The following SLC20A2 variants were observed in gnomAD, a reference collection of about 807,000 sequenced individuals.
SLC20A2 encodes the protein solute carrier family 20 member 2.
SLC20A2 carries 30 observed loss-of-function variants against 61.0 expected under a neutral mutation model. That is an observed-to-expected ratio of 0.49 (90% CI 0.37 to 0.67). The LOEUF is 0.67. Among genes scored for constraint, SLC20A2 ranks in the 30% least tolerant of loss-of-function variants. The pLI is 0.00. For synonymous variants in SLC20A2, 351 were observed against 353.3 expected (o/e 0.99, Z 0.07); for missense variants, 626 against 866.4 (o/e 0.72, Z 3.48).
rs142385350 is a variant in SLC20A2 at position 42,486,361 on chromosome 8, C to T, written c.-264-13707G>A. ...GGAACTACAGGTGTGCGACACTGTGCCTGGCAAGTTTTTTTGGTAGAGATG... is the reference window on the plus strand; with the variant it reads ...GGAACTACAGGTGTGCGACACTGTGTCTGGCAAGTTTTTTTGGTAGAGATG... On this transcript the variant is annotated intron_variant, in intron 1 of 10. Transcript: ENST00000520262. Among the ~76,000 whole-genome samples the T allele has an allele frequency of 1.2e-3, 182 of 152,244 alleles. 1 individual carries two copies. The highest frequency in any genetic ancestry group is 4.1e-3 in the African/African-American group (171 of 41,548).
At chr8:42,491,356 T>C (rs1809496074) in intron 1 of SLC20A2, among the ~76,000 whole-genome samples, 1 of 151,734 alleles carries the variant, frequency 6.6e-6, no homozygotes, top group South Asian at 2.1e-4. Flanking sequence ...CTAAAAAAAA[T>C]TTGCCAGGCA....
intron 9 of SLC20A2, 101 bp from the exon 10 acceptor site, chr8:42,428,943 T>A: frequency 1.1e-6 from 1 of 872,200 alleles, no homozygotes. Flanking sequence ...CTGGGGTGAC[T>A]GCCGACTGCT....
chr8:42,527,388 A>G (rs926143135), intron 1 of SLC20A2, among the ~76,000 whole-genome samples: 1 of 151,948 alleles, frequency 6.6e-6, no homozygotes, highest in Non-Finnish European at 1.5e-5. Context: ...AAGGAAAAAA[A>G]AAAAAGAAAC....
intron 1 of SLC20A2, among the ~76,000 whole-genome samples, chr8:42,490,208 T>A (rs1268616197): frequency 1.3e-5 from 2 of 152,176 alleles, no homozygotes; most frequent in Non-Finnish European, 2.9e-5. Flanking sequence ...AAAAAAATTA[T>A]CATTATAATA....
chr8:42,482,363 T>C (rs1320609910), intron 1 of SLC20A2, among the ~76,000 whole-genome samples: 1 of 152,212 alleles, frequency 6.6e-6, no homozygotes, highest in African/African-American at 2.4e-5. Flanking sequence ...GAAACAGTCT[T>C]TCATGTAAGA....
At chr8:42,435,909 G>A (rs1804213491) in intron 8 of SLC20A2, among the ~76,000 whole-genome samples, 1 of 152,078 alleles carries the variant, frequency 6.6e-6, no homozygotes, top group Admixed American at 6.5e-5. Context: ...CTGAGGTCAG[G>A]AGTTTGAGAC....
chr8:42,427,311 G>A (rs1355692974), intron 10 of SLC20A2, among the ~76,000 whole-genome samples: 1 of 152,248 alleles, frequency 6.6e-6, no homozygotes, highest in East Asian at 1.9e-4. Flanking sequence ...CCATGGTCGG[G>A]CACCACAATG....
intron 2 of SLC20A2, among the ~76,000 whole-genome samples, chr8:42,468,351 G>T (rs1219117550): frequency 6.6e-6 from 1 of 152,190 alleles, no homozygotes; most frequent in Non-Finnish European, 1.5e-5. Context: ...AGGAGAGTTT[G>T]TAAAGAAAGG....
chr8:42,453,390 C>A (rs1437684931), intron 5 of SLC20A2, among the ~76,000 whole-genome samples: 1 of 152,166 alleles, frequency 6.6e-6, no homozygotes, highest in African/African-American at 2.4e-5. Context: ...GTAAGAATGA[C>A]TTTTGAGAAA....
chr8:42,439,703 T>C (rs746071457), intron 6 of SLC20A2, 50 bp from the exon 7 acceptor site: 4 of 1,299,306 alleles, frequency 3.1e-6, no homozygotes, highest in South Asian at 2.4e-5. Context: ...GTTCTTATTA[T>C]TGAAACATGA....
chr8:42,430,709 C>T (rs150288855), intron 8 of SLC20A2, among the ~76,000 whole-genome samples: 3 of 152,272 alleles, frequency 2.0e-5, no homozygotes, highest in Non-Finnish European at 4.4e-5. Flanking sequence ...CACCCCCACA[C>T]CAAGCAAGTC....
chr8:42,505,095 A>G (rs1203262378), upstream of SLC20A2, among the ~76,000 whole-genome samples: 5 of 81,448 alleles, frequency 6.1e-5, no homozygotes, highest in African/African-American at 2.8e-4. Flanking sequence ...AGAGGGACGC[A>G]ATACCCCCCC....
At chr8:42,487,716 A>G (rs1047212825) in intron 1 of SLC20A2, among the ~76,000 whole-genome samples, 1 of 152,176 alleles carries the variant, frequency 6.6e-6, no homozygotes, top group Admixed American at 6.5e-5. Context: ...TTCTTTTACA[A>G]AATGTTTTTA....
chr8:42,517,560 A>C (rs1436746834), intron 1 of SLC20A2, among the ~76,000 whole-genome samples: 1 of 152,110 alleles, frequency 6.6e-6, no homozygotes, highest in Non-Finnish European at 1.5e-5. Context: ...AAAATGTACA[A>C]GTGTACACAA....
intron 1 of SLC20A2, among the ~76,000 whole-genome samples, chr8:42,490,541 G>A (rs1809432679): frequency 6.6e-6 from 1 of 152,156 alleles, no homozygotes. Context: ...AGGTTGCAGT[G>A]AGCCAAGATC....
At chr8:42,498,856 G>A (rs1420719642) in intron 1 of SLC20A2, among the ~76,000 whole-genome samples, 1 of 152,176 alleles carries the variant, frequency 6.6e-6, no homozygotes, top group Non-Finnish European at 1.5e-5. Context: ...TTCCCATTTA[G>A]CCATGCAGGC....
At chr8:42,460,102 C>T in intron 4 of SLC20A2, 110 bp from the exon 5 acceptor site, 1 of 646,146 alleles carries the variant, frequency 1.5e-6, no homozygotes, top group South Asian at 1.7e-5. Context: ...TCCCAAACCC[C>T]AGTGTGGCCA....
At chr8:42,460,031 C>T (rs550700061) in intron 4 of SLC20A2, 39 bp from the exon 5 acceptor site, 2 of 1,177,596 alleles carry the variant, frequency 1.7e-6, no homozygotes, top group Non-Finnish European at 1.3e-6. Flanking sequence ...AGGTCAGGAT[C>T]CCAGCAGCAT....
chr8:42,514,107 T>A (rs1056287464), intron 1 of SLC20A2, among the ~76,000 whole-genome samples: 3 of 152,174 alleles, frequency 2.0e-5, no homozygotes, highest in Admixed American at 1.3e-4. Context: ...TGGATACACA[T>A]TAAAATCTCC....
Sources: allele counts gnomAD v4.1 joint callset (sites outside exome capture counted in the v4.1 genomes callset), GRCh38; gene constraint gnomAD v4.1.1; transcripts MANE v1.5; gene names NCBI Gene and HGNC (gene_info 2026-07-23, HGNC 2026-07-21).